Variants in FTO observed in about 807,000 individuals in gnomAD.
FTO encodes the protein FTO alpha-ketoglutarate dependent dioxygenase, also known as alpha-ketoglutarate-dependent dioxygenase FTO.
Under a neutral mutation model 63.9 loss-of-function variants are expected in FTO, and 47 were observed. The ratio of observed to expected loss-of-function variants is 0.74; its 90% CI spans 0.58 to 0.94. FTO has a LOEUF of 0.94. Among genes scored for constraint, FTO ranks in the 40% least tolerant of loss-of-function variants. FTO has a pLI of 0.00. For missense variants in FTO, 562 were observed against 618.1 expected (o/e 0.91, Z 0.96); for synonymous variants, 207 against 224.4 (o/e 0.92, Z 0.69).
At chr16:53,707,438 A>C (rs891387252) in intron 1 of FTO, among the ~76,000 whole-genome samples, 2 of 152,168 alleles carry the variant, frequency 1.3e-5, no homozygotes, top group Non-Finnish European at 2.9e-5. Context: ...TTACATTTGC[A>C]AGGACACTTT....
chr16:54,006,336 T>TAC (rs2084204387), intron 8 of FTO, among the ~76,000 whole-genome samples: 1 of 152,210 alleles, frequency 6.6e-6, no homozygotes, highest in African/African-American at 2.4e-5. Context: ...TTTCTAGGAA[T>TAC]AAAAAGATTT....
chr16:54,040,979 T>C (rs1462141381), intron 8 of FTO, among the ~76,000 whole-genome samples: 1 of 152,212 alleles, frequency 6.6e-6, no homozygotes, highest in African/African-American at 2.4e-5. Context: ...CAGCTATTAG[T>C]AAAATGAAAT....
At chr16:53,713,267 A>G (rs2151470220) in intron 1 of FTO, among the ~76,000 whole-genome samples, 1 of 152,236 alleles carries the variant, frequency 6.6e-6, no homozygotes, top group Non-Finnish European at 1.5e-5. Flanking sequence ...TTCTCTTCCA[A>G]TTTTAAAATG....
At chr16:54,099,927 C>A (rs993974194) in intron 8 of FTO, among the ~76,000 whole-genome samples, 4 of 152,146 alleles carry the variant, frequency 2.6e-5, no homozygotes, top group Non-Finnish European at 4.4e-5. Flanking sequence ...AATGTTAGTT[C>A]TTTCTGGACC....
intron 8 of FTO, among the ~76,000 whole-genome samples, chr16:54,078,164 G>A (rs2086046836): frequency 6.6e-6 from 1 of 151,672 alleles, no homozygotes; most frequent in African/African-American, 2.4e-5. Context: ...ATTCTAAACA[G>A]TGTTCAAAGT....
intron 8 of FTO, among the ~76,000 whole-genome samples, chr16:53,988,499 T>C (rs1282925461): frequency 6.6e-6 from 1 of 152,204 alleles, no homozygotes; most frequent in Admixed American, 6.5e-5. Flanking sequence ...CTCTTTCCTG[T>C]CTGTCTTAAG....
chr16:53,927,073 G>A (rs1362017725), intron 7 of FTO, among the ~76,000 whole-genome samples: 1 of 152,120 alleles, frequency 6.6e-6, no homozygotes, highest in African/African-American at 2.4e-5. Flanking sequence ...AACATGTTTG[G>A]ACATATACTT....
chr16:53,895,666 G>C (rs1468089819), intron 7 of FTO, among the ~76,000 whole-genome samples: 1 of 152,324 alleles, frequency 6.6e-6, no homozygotes, highest in South Asian at 2.1e-4. Context: ...CAGTGGGTAG[G>C]ACTTTCTGTT....
At chr16:53,827,563 A>G (rs1486563861) in intron 3 of FTO, among the ~76,000 whole-genome samples, 1 of 152,048 alleles carries the variant, frequency 6.6e-6, no homozygotes, top group Non-Finnish European at 1.5e-5. Context: ...GAGATTTAAG[A>G]AAAAAAAGAT....
At chr16:53,993,718 T>G (rs899534644) in intron 8 of FTO, 22 of 152,244 alleles carry the variant, frequency 1.4e-4, no homozygotes, top group African/African-American at 5.1e-4. Context: ...CCTTTCTTTT[T>G]TCATTTTATT....
At position 54,114,225 on chromosome 16, in the gene FTO, T is replaced by C. The variant is rs540460526; in HGVS notation, c.*2310T>C. On this transcript the variant is annotated 3_prime_UTR_variant, in exon 9 of 9. Transcript: ENST00000471389. The stretch of plus-strand genomic sequence containing the variant: ...GTTGGGGCATGACCCAGCCTATGGT[T>C]TGCCATACTCCCTCTTTTTCTCCGT... 1.3e-5 allele frequency: 2 copies of C among 152,340 alleles called. No individual in the cohort carries two copies. The highest frequency in any genetic ancestry group is 4.1e-4 in the South Asian group (2 of 4,826). 9.4% of individuals were successfully genotyped at this position (152,340 alleles called of 1,614,324 possible).
intron 3 of FTO, among the ~76,000 whole-genome samples, chr16:53,833,144 C>T (rs1047333320): frequency 3.3e-5 from 5 of 152,154 alleles, no homozygotes; most frequent in Non-Finnish European, 7.3e-5. Flanking sequence ...CAGGGGTTTC[C>T]GCTTTTGCTT....
chr16:54,103,811 G>A lies in FTO; in HGVS notation c.1365-7951G>A, dbSNP rs117236985. 9.2e-3 allele frequency among the ~76,000 whole-genome samples: 1,399 copies of A among 152,274 alleles called. 17 individuals are homozygous for A. Among genetic ancestry groups the A allele is most frequent in the Middle Eastern group, 0.041 (12 of 294 alleles). ...CTTTTCAGAGGATTTAGAGTGTCAA[G>A]GGAAAGATTATTATAAACTAGACTG... On this transcript the variant is annotated intron_variant, in intron 8 of 8. Coordinates refer to ENST00000471389, the MANE Select transcript of FTO (RefSeq NM_001080432.3).
At chr16:53,841,044 T>A in intron 3 of FTO, among the ~76,000 whole-genome samples, 1 of 93,268 alleles carries the variant, frequency 1.1e-5, no homozygotes, top group African/African-American at 5.1e-5. Context: ...TGTAACAGTA[T>A]ATTATGTATG....
intron 8 of FTO, among the ~76,000 whole-genome samples, chr16:53,987,890 A>G (rs1372707849): frequency 6.6e-6 from 1 of 152,240 alleles, no homozygotes; most frequent in Non-Finnish European, 1.5e-5. Context: ...TTTGAAAAGT[A>G]TAAAATGCAA....
chr16:53,813,904 G>GT (rs1442257755), intron 2 of FTO, among the ~76,000 whole-genome samples: 2 of 152,168 alleles, frequency 1.3e-5, no homozygotes, highest in Non-Finnish European at 2.9e-5. Flanking sequence ...AGGCACAACT[G>GT]TAAGTTCCAC....
intron 8 of FTO, among the ~76,000 whole-genome samples, chr16:54,031,246 A>C (rs2084824847): frequency 6.6e-6 from 1 of 152,238 alleles, no homozygotes; most frequent in Admixed American, 6.5e-5. Flanking sequence ...TCTAAATGAC[A>C]CTGCAATTTG....
chr16:53,758,248 A>G (rs1475765463), intron 1 of FTO, among the ~76,000 whole-genome samples: 3 of 152,204 alleles, frequency 2.0e-5, no homozygotes, highest in African/African-American at 7.2e-5. Context: ...TGTTGCAAAT[A>G]TTCTGACTTT....
chr16:54,082,520 T>C (rs999304506), intron 8 of FTO, among the ~76,000 whole-genome samples: 17 of 152,228 alleles, frequency 1.1e-4, no homozygotes, highest in African/African-American at 4.1e-4. Context: ...ATATGTGTTA[T>C]GGGCCACGCA....
Sources: gnomAD v4.1 joint callset for allele counts (sites outside exome capture counted in the v4.1 genomes callset) on GRCh38, gnomAD v4.1.1 for gene constraint, MANE v1.5 for transcripts, NCBI Gene and HGNC (gene_info 2026-07-23, HGNC 2026-07-21) for gene names.